Variants in BRD7 observed in about 807,000 individuals in gnomAD.
The protein encoded by BRD7 is bromodomain-containing protein 7.
BRD7 carries 15 observed loss-of-function variants against 82.1 expected under a neutral mutation model. The observed-to-expected ratio is 0.18, with a 90% CI of 0.12 to 0.28. The LOEUF (loss-of-function observed/expected upper bound fraction) is 0.28. BRD7 is among the 10% of genes least tolerant of loss of function. The probability of loss-of-function intolerance (pLI) is 1.00; values close to 1 mark genes in which losing one functional copy is unlikely to be tolerated. For missense variants in BRD7, 638 were observed against 779.9 expected (o/e 0.82, Z 2.17); for synonymous variants, 232 against 266.9 (o/e 0.87, Z 1.27).
At chr16:50,348,181 A>G (rs1488762777) in intron 5 of BRD7, among the ~76,000 whole-genome samples, 1 of 152,228 alleles carries the variant, frequency 6.6e-6, no homozygotes, top group East Asian at 1.9e-4. Flanking sequence ...TATTTAATAA[A>G]TGGTGCTGGG....
At chr16:50,319,854 T>A (rs780050734) in intron 16 of BRD7, 33 bp downstream of exon 16, 3 of 1,604,144 alleles carry the variant, frequency 1.9e-6, no homozygotes, top group South Asian at 2.2e-5. Context: ...TCACCATAGC[T>A]TTCTGCTTTC....
At chr16:50,345,837 A>G (rs1301320915) in intron 5 of BRD7, among the ~76,000 whole-genome samples, 1 of 148,756 alleles carries the variant, frequency 6.7e-6, no homozygotes, top group South Asian at 2.2e-4. Context: ...TTAACACCCC[A>G]CTGTCAACAT....
At chr16:50,328,631 T>C (rs746850124) in intron 9 of BRD7, 38 bp downstream of exon 9, 5 of 1,569,024 alleles carry the variant, frequency 3.2e-6, no homozygotes, top group Admixed American at 1.8e-5. Context: ...CTCTGCCAAA[T>C]AGCATCAAGT....
chr16:50,340,012 C>T lies in BRD7; in HGVS notation c.666G>A (p.Lys222=). 1.9e-6 allele frequency: 3 copies of T among 1,599,900 alleles called. No homozygotes were observed. The highest frequency in any genetic ancestry group is 2.6e-6 in the Non-Finnish European group (3 of 1,173,814). The change falls in exon 6 of 17, where the codon AAG becomes AAA. Residue 222 remains lysine (K), a synonymous_variant. Transcript: ENST00000394688. ...TTTTCATTCCTGAGTGCAACAGCTT[C>T]TTTGCAGCTTTATAATAAATGGTCT... ...KPETIYYKAA[K]KLLHSGMKIL...
Position 50,319,256 on chromosome 16 carries a change from T to G in BRD7, c.1911A>C (p.Glu637Asp). The change falls in exon 17 of 17, where the codon GAA becomes GAC. Residue 637 changes from glutamate (E) to aspartate (D), a missense_variant. By Grantham distance (45) the Glu-to-Asp change is conservative. This residue lies in a region of BRD7 where 402 missense variants were observed against 500.8 expected (regional missense o/e 0.80). Coordinates refer to ENST00000394688, the MANE Select transcript of BRD7 (RefSeq NM_013263.5). ...NFVDLTEDTE[E>D]PKKTDVAECG... ...ACTCAGCAACATCCGTCTTTTTAGG[T>G]TCTTCAGTGTCTGAAAGAAAAAGAC... is the stretch of plus-strand genomic sequence containing the variant. The G allele has an allele frequency of 1.2e-6, 2 of 1,613,394 alleles. No homozygotes were observed. The highest frequency in any genetic ancestry group is 1.7e-6 in the Non-Finnish European group (2 of 1,179,818).
At chr16:50,363,034 C>T (rs1192023016) in intron 2 of BRD7, among the ~76,000 whole-genome samples, 1 of 152,182 alleles carries the variant, frequency 6.6e-6, no homozygotes, top group Non-Finnish European at 1.5e-5. Context: ...CTAGGATGTA[C>T]TATATGCCTG....
At chr16:50,343,492 G>C (rs971208813) in intron 5 of BRD7, among the ~76,000 whole-genome samples, 3 of 152,212 alleles carry the variant, frequency 2.0e-5, no homozygotes, top group Non-Finnish European at 4.4e-5. Context: ...AGTGTGAGCC[G>C]AAGCAGGGCA....
chr16:50,339,956 T>C lies in BRD7; in HGVS notation c.702+20A>G, dbSNP rs374039856. ...CACAGATTTTAATAACTATTATTTA[T>C]GACAAAGAGTTTCCTTTACCTGGCT... On this transcript the variant is annotated intron_variant, in intron 6 of 16. Coordinates refer to ENST00000394688, the MANE Select transcript of BRD7 (RefSeq NM_013263.5). The C allele has an allele frequency of 1.5e-5, 22 of 1,427,138 alleles. No individual in the cohort carries two copies. The highest frequency in any genetic ancestry group is 2.3e-4 in the Middle Eastern group (1 of 4,352). 88.4% of individuals were successfully genotyped at this position (1,427,138 alleles called of 1,614,324 possible).
intron 5 of BRD7, among the ~76,000 whole-genome samples, chr16:50,346,697 C>T (rs1358681188): frequency 6.6e-6 from 1 of 152,174 alleles, no homozygotes. Flanking sequence ...GATACATACA[C>T]CCTCCCAAGA....
chr16:50,347,496 T>C (rs898670154), intron 5 of BRD7, among the ~76,000 whole-genome samples: 21 of 152,308 alleles, frequency 1.4e-4, no homozygotes, highest in Admixed American at 1.2e-3. Context: ...GACATGATTG[T>C]ATATTTAGAA....
intron 6 of BRD7, 89 bp downstream of exon 6, chr16:50,339,887 C>G: frequency 9.9e-6 from 6 of 603,726 alleles, no homozygotes; most frequent in Admixed American, 3.0e-5. Context: ...AAAATAAAAT[C>G]AATACTGTAT....
At chr16:50,327,675 C>G (rs535824518) in intron 9 of BRD7, among the ~76,000 whole-genome samples, 7 of 152,318 alleles carry the variant, frequency 4.6e-5, no homozygotes, top group South Asian at 2.1e-4. Flanking sequence ...CTTAAGGATG[C>G]CTTCCCTGAC....
chr16:50,325,769 G>T lies in BRD7; in HGVS notation c.1310C>A (p.Ser437Tyr). ...DLIYSTYGEDSDLPSDFSIHE... is the reference protein window; with the variant it reads ...DLIYSTYGEDYDLPSDFSIHE... Reference sequence around the variant, plus strand: ...TCACCTGAAATCACTTGGAAGATCAGAGTCTTCCCCATAGGTTGAATAGAT... The same window carrying T: ...TCACCTGAAATCACTTGGAAGATCATAGTCTTCCCCATAGGTTGAATAGAT... The change falls in exon 11 of 17, where the codon TCT becomes TAT. Residue 437 changes from serine (S) to tyrosine (Y), a missense_variant. Ser to Tyr is a moderately radical substitution (Grantham distance 144). Coordinates refer to ENST00000394688, the MANE Select transcript of BRD7 (RefSeq NM_013263.5). The T allele has an allele frequency of 6.2e-7, 1 of 1,600,240 alleles. No homozygotes were observed. The highest frequency in any genetic ancestry group is 8.5e-7 in the Non-Finnish European group (1 of 1,176,756).
chr16:50,343,798 A>C (rs1406482495), intron 5 of BRD7, among the ~76,000 whole-genome samples: 1 of 152,194 alleles, frequency 6.6e-6, no homozygotes, highest in Non-Finnish European at 1.5e-5. Flanking sequence ...AAACAAAGCC[A>C]CCGGGAAGCT....
intron 7 of BRD7, among the ~76,000 whole-genome samples, chr16:50,334,407 A>G (rs760264246): frequency 6.6e-6 from 1 of 152,202 alleles, no homozygotes; most frequent in Non-Finnish European, 1.5e-5. Flanking sequence ...TTTCTTAAAC[A>G]AACAGTTCTA....
At chr16:50,343,949 C>T (rs532347722) in intron 5 of BRD7, among the ~76,000 whole-genome samples, 92 of 152,200 alleles carry the variant, frequency 6.0e-4, no homozygotes, top group Non-Finnish European at 4.8e-4. Flanking sequence ...GATCTGAGAA[C>T]GGACAGACTA....
chr16:50,354,658 T>G (rs928025884), intron 3 of BRD7, 135 bp downstream of exon 3: 1 of 1,292,030 alleles, frequency 7.7e-7, no homozygotes, highest in African/African-American at 1.5e-5. Context: ...TTTAAAGCTC[T>G]TATGCAGTTT....
At chr16:50,368,538 G>T in intron 1 of BRD7, 188 bp downstream of exon 1, 1 of 713,964 alleles carries the variant, frequency 1.4e-6, no homozygotes. Context: ...CCGGACCAGG[G>T]GGACCCGGGT....
intron 9 of BRD7, 65 bp from the exon 10 acceptor site, chr16:50,326,456 C>T (rs1252530086): frequency 2.7e-6 from 3 of 1,132,018 alleles, no homozygotes; most frequent in East Asian, 5.0e-5. Context: ...GGCCCTCTGC[C>T]GAGTGACTCC....
Sources: gnomAD v4.1 joint callset for allele counts (sites outside exome capture counted in the v4.1 genomes callset) on GRCh38, gnomAD v4.1.1 for gene constraint, gnomAD v4.1.1 regional missense constraint, MANE v1.5 for transcripts, NCBI Gene and HGNC (gene_info 2026-07-23, HGNC 2026-07-21) for gene names.